EPHA6: variants seen among roughly 807,000 people sequenced by gnomAD.
The protein encoded by EPHA6 is ephrin type-A receptor 6.
In EPHA6, 50 loss-of-function variants were observed where a neutral mutation model predicts 112.0. The observed-to-expected ratio is 0.45, with a 90% CI of 0.36 to 0.56. EPHA6 has a LOEUF of 0.56. Ranked by LOEUF, EPHA6 falls within the 20% of genes least tolerant of loss-of-function variation. EPHA6 has a pLI of 0.00. For synonymous variants in EPHA6, 529 were observed against 490.7 expected, an observed-to-expected ratio of 1.08 and a Z score of -1.03; for missense variants, 1,280 against 1,417.4, an observed-to-expected ratio of 0.90 and a Z score of 1.56.
chr3:97,667,043 A>G (rs1022809627), intron 14 of EPHA6, among the ~76,000 whole-genome samples: 1 of 152,182 alleles, frequency 6.6e-6, no homozygotes, highest in East Asian at 1.9e-4. Context: ...ATTATTTTCT[A>G]CATAATGTAG....
intron 3 of EPHA6, among the ~76,000 whole-genome samples, chr3:97,005,275 G>A (rs1007084023): frequency 7.2e-5 from 11 of 152,010 alleles, no homozygotes; most frequent in African/African-American, 1.4e-4. Flanking sequence ...ATTTGTTTAT[G>A]TTCTCTCTTA....
rs531821505 is a variant in EPHA6, at chr3:97,613,166, C to T, written c.2574+2312C>T. ...TTGTAATCATCTCTCTTCTTAGAAG[C>T]TCAAAGTGCTTTATAAACTTTGTGT... is the stretch of plus-strand genomic sequence containing the variant. On this transcript the variant is annotated intron_variant, in intron 13 of 17. Transcript: ENST00000389672. Among the ~76,000 whole-genome samples, 6 of 152,206 alleles carry T rather than the reference C, an allele frequency of 3.9e-5. No individual in the cohort carries two copies. In the East Asian group the frequency reaches 7.7e-4, roughly 20 times the overall value.
At chr3:96,979,481 T>C (rs552637401) in intron 2 of EPHA6, among the ~76,000 whole-genome samples, 41 of 152,276 alleles carry the variant, frequency 2.7e-4, no homozygotes, top group Middle Eastern at 6.8e-3. Flanking sequence ...TCTAAGTCTT[T>C]GCTATTGTGA....
intron 3 of EPHA6, among the ~76,000 whole-genome samples, chr3:97,001,017 G>GATAT (rs57116000): frequency 7.9e-5 from 9 of 114,524 alleles, no homozygotes; most frequent in African/African-American, 1.7e-4. Context: ...GTCAGAAATT[G>GATAT]ATATATATAT....
intron 3 of EPHA6, among the ~76,000 whole-genome samples, chr3:97,006,314 A>G (rs759565140): frequency 6.6e-6 from 1 of 152,146 alleles, no homozygotes; most frequent in Non-Finnish European, 1.5e-5. Flanking sequence ...TAGTCTATTC[A>G]GGGATTCAAC....
intron 7 of EPHA6, chr3:97,466,370 C>T (rs994031577): frequency 1.2e-6 from 2 of 1,608,012 alleles, no homozygotes. Context: ...CCCATATCAG[C>T]ATTTACATCC....
intron 5 of EPHA6, among the ~76,000 whole-genome samples, chr3:97,269,112 C>T (rs557405667): frequency 1.3e-3 from 202 of 152,220 alleles, no homozygotes; most frequent in Middle Eastern, 3.4e-3. Context: ...GGGGAGCCAC[C>T]ACTCCCTATT....
intron 3 of EPHA6, among the ~76,000 whole-genome samples, chr3:97,011,100 A>G (rs1056171711): frequency 2.6e-5 from 4 of 152,170 alleles, no homozygotes; most frequent in Admixed American, 2.6e-4. Context: ...GTAAGGTTTC[A>G]TAGAAGGAAA....
At chr3:97,269,647 T>C (rs185028137) in intron 5 of EPHA6, among the ~76,000 whole-genome samples, 4 of 152,322 alleles carry the variant, frequency 2.6e-5, no homozygotes, top group Non-Finnish European at 4.4e-5. Context: ...GATATTCTGA[T>C]GTAACACAAC....
At chr3:97,650,306 T>C (rs767834153) in intron 14 of EPHA6, among the ~76,000 whole-genome samples, 12 of 152,102 alleles carry the variant, frequency 7.9e-5, no homozygotes, top group Non-Finnish European at 1.6e-4. Flanking sequence ...TTATGAAATA[T>C]ACTGCTTAGG....
chr3:97,460,550 G>A (rs905900527), intron 7 of EPHA6, among the ~76,000 whole-genome samples: 1 of 152,180 alleles, frequency 6.6e-6, no homozygotes, highest in Non-Finnish European at 1.5e-5. Context: ...GTGGTGTGTT[G>A]CCTAGATTTC....
At chr3:96,828,056 G>A (rs986825039) in intron 1 of EPHA6, among the ~76,000 whole-genome samples, 2 of 151,988 alleles carry the variant, frequency 1.3e-5, no homozygotes, top group African/African-American at 2.4e-5. Context: ...TGAAACTTTC[G>A]CCAGTCTGTT....
At chr3:97,334,947 GT>G (rs2082986481) in intron 5 of EPHA6, among the ~76,000 whole-genome samples, 1 of 152,050 alleles carries the variant, frequency 6.6e-6, no homozygotes, top group Admixed American at 6.6e-5. Flanking sequence ...GTTAAGGTTT[GT>G]TTTACGGCCT....
chr3:97,272,975 G>A lies in EPHA6; in HGVS notation c.1606+28688G>A, dbSNP rs776115410. Among the ~76,000 whole-genome samples, 28 of 152,232 alleles carry A rather than the reference G, an allele frequency of 1.8e-4. 1 individual carries two copies. The Middle Eastern group carries it at 0.01, about 55-fold the overall frequency. ...ATAATGGGTAATGTATCTCAGGGCTGCTTCGAGCGGGATTAGGGGCGGTGT... is the reference window on the plus strand; with the variant it reads ...ATAATGGGTAATGTATCTCAGGGCTACTTCGAGCGGGATTAGGGGCGGTGT... On this transcript the variant is annotated intron_variant, in intron 5 of 17. Transcript: ENST00000389672.
At chr3:96,913,161 TACACACACACACACACACAC>T (rs768422240) in intron 2 of EPHA6, among the ~76,000 whole-genome samples, 27 of 123,238 alleles carry the variant, frequency 2.2e-4, no homozygotes, top group African/African-American at 5.8e-4. Flanking sequence ...AGACCCCGTC[TACACACACACACACACACAC>T]ACACACACAC....
chr3:97,317,359 G>C (rs1002176265), intron 5 of EPHA6, among the ~76,000 whole-genome samples: 2 of 151,888 alleles, frequency 1.3e-5, no homozygotes, highest in Non-Finnish European at 2.9e-5. Flanking sequence ...GTTCTCTTTT[G>C]CCCTGATGTG....
intron 3 of EPHA6, among the ~76,000 whole-genome samples, chr3:97,195,906 A>T (rs560398852): frequency 6.6e-6 from 1 of 152,016 alleles, no homozygotes; most frequent in East Asian, 1.9e-4. Flanking sequence ...TGATGCTTTT[A>T]GGATCTTTTC....
chr3:97,219,369 A>C (rs1252358894), intron 3 of EPHA6, among the ~76,000 whole-genome samples: 1 of 152,122 alleles, frequency 6.6e-6, no homozygotes, highest in Admixed American at 6.6e-5. Context: ...CCATATAATG[A>C]AATATTATAA....
intron 2 of EPHA6, among the ~76,000 whole-genome samples, chr3:96,872,140 G>GT (rs1463721910): frequency 6.6e-6 from 1 of 152,068 alleles, no homozygotes; most frequent in Non-Finnish European, 1.5e-5. Context: ...AAAATCTTAT[G>GT]TGATAGCTGA....
Sources: allele counts gnomAD v4.1 joint callset (sites outside exome capture counted in the v4.1 genomes callset), GRCh38; gene constraint gnomAD v4.1.1; transcripts MANE v1.5; gene names NCBI Gene and HGNC (gene_info 2026-07-23, HGNC 2026-07-21).